PCBP3: variants seen among roughly 807,000 people sequenced by gnomAD.
The protein encoded by PCBP3 is poly(rC)-binding protein 3.
In PCBP3, 25 loss-of-function variants were observed where a neutral mutation model predicts 52.7. The observed-to-expected ratio is 0.47, with a 90% CI of 0.35 to 0.66. PCBP3 has a LOEUF of 0.66. Ranked by LOEUF, PCBP3 falls within the 30% of genes least tolerant of loss-of-function variation. PCBP3 has a pLI of 0.01. For missense variants in PCBP3, 391 were observed against 490.3 expected (o/e 0.80, Z 1.91); for synonymous variants, 162 against 183.0 (o/e 0.89, Z 0.93).
intron 1 of PCBP3, among the ~76,000 whole-genome samples, chr21:45,661,951 C>T (rs949599641): frequency 2.6e-5 from 4 of 151,924 alleles, no homozygotes; most frequent in Admixed American, 6.6e-5. Context: ...TTGAAAAATG[C>T]CTGTTCATGT....
chr21:45,877,791 G>A (rs544713430), intron 5 of PCBP3, among the ~76,000 whole-genome samples: 6 of 148,718 alleles, frequency 4.0e-5, no homozygotes, highest in African/African-American at 7.4e-5. Context: ...GTGAAACTCC[G>A]TCTTAAAAAA....
chr21:45,804,234 G>A (rs531468289), intron 4 of PCBP3, among the ~76,000 whole-genome samples: 22 of 152,310 alleles, frequency 1.4e-4, no homozygotes, highest in Middle Eastern at 3.4e-3. Flanking sequence ...AGGCTCTGGC[G>A]TGTTCACAGT....
chr21:45,850,713 T>C (rs996129627), intron 5 of PCBP3, among the ~76,000 whole-genome samples: 6 of 152,198 alleles, frequency 3.9e-5, no homozygotes, highest in Non-Finnish European at 8.8e-5. Flanking sequence ...AGCTGTTAGG[T>C]ATATTTTGAA....
Position 45,724,947 on chromosome 21 carries a change from A to G in PCBP3, c.-199-10445A>G, listed in dbSNP as rs1316420695. On this transcript the variant is annotated intron_variant, in intron 2 of 17. Transcript: ENST00000681687. The surrounding 1 kb of genome is among the most constrained non-coding windows in gnomAD (Gnocchi z 5.3). ...ATAACTTAAATGATGAAAGTTACAG[A>G]TAATAGCTCAAATAAACTGTTGTGA... Among the ~76,000 whole-genome samples, 1 of 152,214 alleles carries G rather than the reference A, an allele frequency of 6.6e-6. No homozygotes were observed. The highest frequency in any genetic ancestry group is 1.5e-5 in the Non-Finnish European group (1 of 68,048).
Position 45,910,890 on chromosome 21 carries a change from C to G in PCBP3, c.472-12C>G, listed in dbSNP as rs1174279586. 2.5e-6 allele frequency: 4 copies of G among 1,590,268 alleles called. No individual in the cohort carries two copies. The highest frequency in any genetic ancestry group is 3.4e-6 in the Non-Finnish European group (4 of 1,168,470). On this transcript the variant is annotated splice_polypyrimidine_tract_variant and intron_variant, in intron 10 of 17. Coordinates refer to ENST00000681687, the MANE Select transcript of PCBP3 (RefSeq NM_001384156.1). ...TACCCTGGTGCTCCCTTCCAATGTC[C>G]CCTCTCTCCAGTCCACAGGTGCCCA...
At chr21:45,691,428 T>TATATATATA (rs2082464859) in intron 2 of PCBP3, among the ~76,000 whole-genome samples, 1 of 128,420 alleles carries the variant, frequency 7.8e-6, no homozygotes, top group African/African-American at 3.2e-5. Context: ...ATATATAAAA[T>TATATATATA]ATATATATCA....
chr21:45,759,502 C>T (rs1318546004), intron 4 of PCBP3, among the ~76,000 whole-genome samples: 1 of 152,288 alleles, frequency 6.6e-6, no homozygotes, highest in East Asian at 1.9e-4. Flanking sequence ...TTATGTCAGA[C>T]GTTCTTACTC....
chr21:45,823,834 C>T (rs768250004), intron 4 of PCBP3, among the ~76,000 whole-genome samples: 9 of 152,068 alleles, frequency 5.9e-5, no homozygotes, highest in African/African-American at 1.4e-4. Context: ...CTCCATCTCC[C>T]GGGTTCCAGC....
intron 4 of PCBP3, among the ~76,000 whole-genome samples, chr21:45,839,655 A>G (rs1281772016): frequency 6.6e-6 from 1 of 152,116 alleles, no homozygotes; most frequent in Non-Finnish European, 1.5e-5. Context: ...GTATAGGCCT[A>G]CGCTAATGTG....
chr21:45,781,474 G>A (rs530172787), intron 4 of PCBP3, among the ~76,000 whole-genome samples: 4 of 152,166 alleles, frequency 2.6e-5, no homozygotes, highest in Non-Finnish European at 4.4e-5. Flanking sequence ...GAAACCACTC[G>A]GTGTAACTGA....
intron 17 of PCBP3, 84 bp downstream of exon 17, chr21:45,940,283 G>A: frequency 8.2e-7 from 1 of 1,215,766 alleles, no homozygotes; most frequent in Non-Finnish European, 1.2e-6. Flanking sequence ...GTCGGGGGGT[G>A]GGAGGAGGCA....
rs2092241982 is a variant in PCBP3, at chr21:45,800,264, C to A, written c.-126+44812C>A. 6.6e-6 allele frequency among the ~76,000 whole-genome samples: 1 copy of A among 152,168 alleles called. No homozygotes were observed. Among genetic ancestry groups the A allele is most frequent in the Non-Finnish European group, 1.5e-5 (1 of 68,018 alleles). On this transcript the variant is annotated intron_variant, in intron 4 of 17. Transcript: ENST00000681687. This position sits in a 1 kb window ranked among gnomAD's most constrained non-coding sequence, Gnocchi z 5.3. ...CCAAGCCAGAGGCTCCTGGCAGATC[C>A]ACCCACAGAGACAGCAGGTCCAGGT...
intron 1 of PCBP3, among the ~76,000 whole-genome samples, chr21:45,655,622 C>T (rs2079966782): frequency 1.3e-5 from 2 of 151,964 alleles, no homozygotes; most frequent in African/African-American, 4.8e-5. Context: ...GACTAAAACA[C>T]CAAAAGCAAT....
chr21:45,896,273 C>T lies in PCBP3; in HGVS notation c.76C>T (p.Gln26Ter), dbSNP rs1180320129. 6.4e-7 allele frequency: 1 copy of T among 1,552,278 alleles called. No individual in the cohort carries two copies. Among genetic ancestry groups the T allele is most frequent in the Non-Finnish European group, 8.7e-7 (1 of 1,147,104 alleles). ...STLSTLSHHPQPQFGRRMESK... is the reference protein window; with the variant it reads ...STLSTLSHHP Reference sequence around the variant, plus strand: ...CCTCAGCACCTTAAGCCACCACCCTCAGCCACAATTTGGCAGAAGGATGGA... The same window carrying T: ...CCTCAGCACCTTAAGCCACCACCCTTAGCCACAATTTGGCAGAAGGATGGA... Residue 26 changes from glutamine (Q) to a stop codon, truncating the protein, a stop_gained, in exon 6 of 18, where the codon CAG becomes TAG. Coordinates refer to ENST00000681687, the MANE Select transcript of PCBP3 (RefSeq NM_001384156.1). LOFTEE classifies it high-confidence loss of function.
At chr21:45,814,094 A>C (rs1433962206) in intron 4 of PCBP3, among the ~76,000 whole-genome samples, 2 of 152,270 alleles carry the variant, frequency 1.3e-5, no homozygotes, top group African/African-American at 4.8e-5. Context: ...TGTGTAGTGC[A>C]TGACTGTGCT....
chr21:45,930,696 C>T, intron 14 of PCBP3, 90 bp from the exon 15 acceptor site: 4 of 681,494 alleles, frequency 5.9e-6, no homozygotes, highest in Non-Finnish European at 1.1e-5. Flanking sequence ...GGTGCGTGCG[C>T]CAGTCATATT....
intron 6 of PCBP3, 85 bp downstream of exon 6, chr21:45,896,447 T>A (rs1235684052): frequency 7.7e-7 from 1 of 1,291,338 alleles, no homozygotes; most frequent in Admixed American, 2.1e-5. Context: ...ATTGGCACTG[T>A]AGGAAAGGCA....
chr21:45,695,033 A>T (rs947980523), intron 2 of PCBP3, among the ~76,000 whole-genome samples: 7 of 152,206 alleles, frequency 4.6e-5, no homozygotes, highest in African/African-American at 1.7e-4. Flanking sequence ...CCAGTGGAGG[A>T]TCTCCACCAG....
intron 4 of PCBP3, among the ~76,000 whole-genome samples, chr21:45,808,700 A>G (rs1011729319): frequency 2.6e-5 from 4 of 152,178 alleles, no homozygotes; most frequent in Admixed American, 6.5e-5. Flanking sequence ...TATATACCCA[A>G]AGGATTATAA....
Sources: allele counts gnomAD v4.1 joint callset (sites outside exome capture counted in the v4.1 genomes callset), GRCh38; gene constraint gnomAD v4.1.1; non-coding constraint Gnocchi (gnomAD v3.1); transcripts MANE v1.5; gene names NCBI Gene and HGNC (gene_info 2026-07-23, HGNC 2026-07-21).